The following FLT4 variants were observed in gnomAD, a reference collection of about 807,000 sequenced individuals.
FLT4 encodes the protein fms related receptor tyrosine kinase 4.
Under a neutral mutation model 163.2 loss-of-function variants are expected in FLT4, and 30 were observed. That is an observed-to-expected ratio of 0.18 (90% CI 0.14 to 0.25). The LOEUF is 0.25. FLT4 is among the 10% of genes least tolerant of loss of function. The pLI, the probability that FLT4 is intolerant of heterozygous loss-of-function variation, is 1.00. For missense variants in FLT4, 1,510 were observed against 1,863.8 expected (o/e 0.81, Z 3.50); for synonymous variants, 884 against 789.5 (o/e 1.12, Z -2.01).
chr5:180,639,764 T>C (rs1252721648), intron 1 of FLT4, among the ~76,000 whole-genome samples: 1 of 152,158 alleles, frequency 6.6e-6, no homozygotes, highest in Admixed American at 6.5e-5. Flanking sequence ...AGCCCCCACC[T>C]GCAGCCCTGA....
At chr5:180,609,253 A>G (rs561733900) in intron 28 of FLT4, 200 bp from the exon 29 acceptor site, 13 of 626,722 alleles carry the variant, frequency 2.1e-5, no homozygotes, top group South Asian at 1.3e-4. Context: ...GGAGACACTG[A>G]GGTCAGGGGG....
rs369867955 is a variant in FLT4, at chr5:180,619,217, G to A, written c.2761+36C>T. On this transcript the variant is annotated intron_variant, in intron 19 of 29. Coordinates refer to ENST00000261937, the MANE Select transcript of FLT4 (RefSeq NM_182925.5). Reference sequence around the variant, plus strand: ...TCCCGCCCGCGGCGCCCCGCGCCCGGGGTCTCGCCGTCCCAGCGGGCCGCC... The same window carrying A: ...TCCCGCCCGCGGCGCCCCGCGCCCGAGGTCTCGCCGTCCCAGCGGGCCGCC... 4.8e-4 allele frequency: 724 copies of A among 1,512,724 alleles called. 2 individuals are homozygous for A. The highest frequency in any genetic ancestry group is 3.1e-4 in the Non-Finnish European group (354 of 1,124,836). 93.7% of individuals were successfully genotyped at this position (1,512,724 alleles called of 1,614,324 possible). A position where few individuals can be genotyped will look rare whatever the true frequency, so the allele number is the denominator to read the frequency against.
intron 1 of FLT4, 39 bp downstream of exon 1, chr5:180,649,449 G>T: frequency 7.0e-7 from 1 of 1,425,936 alleles, no homozygotes; most frequent in Non-Finnish European, 9.2e-7. Flanking sequence ...TCCCCGGCCA[G>T]CCCCACGCTC....
At position 180,630,628 on chromosome 5, in the gene FLT4, G is replaced by A. The variant is rs778192320; in HGVS notation, c.327C>T (p.Tyr109=). 88 of 1,612,990 alleles carry A rather than the reference G, an allele frequency of 5.5e-5. No homozygotes were observed. Among genetic ancestry groups the A allele is most frequent in the Non-Finnish European group, 7.0e-5 (83 of 1,179,996 alleles). Reference sequence around the variant, plus strand: ...CCTTGATGTACTTGTAGTAGCAGACGTAGCTGCCTGTGTCGTTGGCATGTA... The same window carrying A: ...CCTTGATGTACTTGTAGTAGCAGACATAGCTGCCTGTGTCGTTGGCATGTA... ...HEVHANDTGS[Y]VCYYKYIKAR... is the part of the protein sequence containing the mutation. Residue 109 remains tyrosine, a synonymous_variant, in exon 3 of 30, where the codon TAC becomes TAT. Transcript: ENST00000261937. The surrounding 1 kb of genome is among the most constrained non-coding windows in gnomAD (Gnocchi z 6.3).
chr5:180,624,572 C>T (rs1763456141), intron 10 of FLT4, among the ~76,000 whole-genome samples: 1 of 152,178 alleles, frequency 6.6e-6, no homozygotes, highest in Non-Finnish European at 1.5e-5. Context: ...CAGGACCCGG[C>T]AACCCATCCT....
chr5:180,619,422 G>GCCACTGGCCGCTTAGCTAAGGCACA (rs1762943591), intron 18 of FLT4, 56 bp from the exon 19 acceptor site: 1 of 1,064,000 alleles, frequency 9.4e-7, no homozygotes, highest in Non-Finnish European at 1.3e-6. Flanking sequence ...CCCGTTCCCC[G>GCCACTGGCCGCTTAGCTAAGGCACA]CCACCCGGCG....
chr5:180,624,232 T>C (rs1219126416), intron 10 of FLT4, among the ~76,000 whole-genome samples, 171 bp from the exon 11 acceptor site: 1 of 150,706 alleles, frequency 6.6e-6, no homozygotes, highest in Non-Finnish European at 1.5e-5. Flanking sequence ...TTGGTGTTTT[T>C]TTTTTTTTTT....
At chr5:180,634,653 C>T (rs1399107156) in intron 1 of FLT4, among the ~76,000 whole-genome samples, 5 of 132,620 alleles carry the variant, frequency 3.8e-5, no homozygotes, top group South Asian at 2.5e-4. Flanking sequence ...GGAGATCGCA[C>T]CACTGCACTC....
Position 180,614,275 on chromosome 5 carries a change from G to GGATGGGGAGA in FLT4, c.3220-97_3220-96insTCTCCCCATC, listed in dbSNP as rs1762453550. On this transcript the variant is annotated intron_variant, in intron 23 of 29. Coordinates refer to ENST00000261937, the MANE Select transcript of FLT4 (RefSeq NM_182925.5). ...GGGGAGACGGAGGGAAGCGTGTCCT[G>GGATGGGGAGA]CGGTGGATGGGGAGACGGAGGGAAG... 29 of 676,748 alleles carry GGATGGGGAGA rather than the reference G, an allele frequency of 4.3e-5. No individual in the cohort carries two copies. In the East Asian group the frequency reaches 8.6e-4, roughly 20 times the overall value. The allele number at this position is 676,748 out of a possible 1,614,324, so 41.9% of individuals were successfully genotyped here.
At chr5:180,611,224 C>T (rs1442987833) in intron 27 of FLT4, 107 bp downstream of exon 27, 11 of 1,358,140 alleles carry the variant, frequency 8.1e-6, no homozygotes, top group African/African-American at 4.3e-5. Context: ...GCACACTGGC[C>T]TCTGACGTCG....
In FLT4 at chr5:180,649,565, G is replaced by A; in HGVS notation, c.-20C>T. The A allele has an allele frequency of 7.2e-7, 1 of 1,387,312 alleles. No individual in the cohort carries two copies. Among genetic ancestry groups the A allele is most frequent in the Middle Eastern group, 2.7e-4 (1 of 3,764 alleles). 85.9% of individuals were successfully genotyped at this position (1,387,312 alleles called of 1,614,324 possible). On this transcript the variant is annotated 5_prime_UTR_variant, in exon 1 of 30. Transcript: ENST00000261937. ...CTGCATCTCCGGCCGCTGCGCGTGG[G>A]TCCGACCCGAGCGGCCGCGGCTCGG...
intron 1 of FLT4, among the ~76,000 whole-genome samples, 158 bp from the exon 2 acceptor site, chr5:180,631,936 C>T (rs552922377): frequency 7.9e-5 from 12 of 152,202 alleles, no homozygotes; most frequent in South Asian, 6.2e-4. Context: ...TCACCATGTG[C>T]GCCGTGAGCA....
At chr5:180,627,131 C>T (rs1464743505) in intron 8 of FLT4, among the ~76,000 whole-genome samples, 1 of 152,216 alleles carries the variant, frequency 6.6e-6, no homozygotes, top group Admixed American at 6.5e-5. Context: ...GTCTCTGTGG[C>T]CTGGACTCTG....
chr5:180,629,601 G>T, intron 6 of FLT4, 95 bp downstream of exon 6: 1 of 1,506,198 alleles, frequency 6.6e-7, no homozygotes, highest in South Asian at 1.2e-5. Flanking sequence ...GGGCAGGCCT[G>T]GGCCCACACA....
At chr5:180,625,262 C>T (rs1763511460) in intron 10 of FLT4, among the ~76,000 whole-genome samples, 3 of 152,246 alleles carry the variant, frequency 2.0e-5, no homozygotes, top group Admixed American at 2.0e-4. Context: ...CCTCTCACCC[C>T]CTGCTTGTCT....
rs778170197 is a variant in FLT4, at chr5:180,620,683, T to C, written c.2332A>G (p.Ile778Val). The change falls in exon 16 of 30, where the codon ATC (isoleucine) becomes GTC (valine). Residue 778 changes from isoleucine to valine, a missense_variant. By Grantham distance (29) the Ile-to-Val change is conservative. This residue lies in a region of FLT4 where 878 missense variants were observed against 1,016.7 expected (regional missense o/e 0.86). Coordinates refer to ENST00000261937, the MANE Select transcript of FLT4 (RefSeq NM_182925.5). The surrounding 1 kb of genome is among the most constrained non-coding windows in gnomAD (Gnocchi z 4.4). ...SEDKGSMEIVILVGTGVIAVF... is the reference protein window; with the variant it reads ...SEDKGSMEIVVLVGTGVIAVF... ...GCGATGACGCCGGTACCGACAAGGA[T>C]CACGATCTCCATGCTGCCCTTATCC... The C allele has an allele frequency of 1.2e-6, 2 of 1,613,404 alleles. No individual in the cohort carries two copies. The highest frequency in any genetic ancestry group is 2.7e-5 in the African/African-American group (2 of 74,958).
rs779972498 is a variant in FLT4, at chr5:180,622,846, G to A, written c.1549-7C>T. The A allele has an allele frequency of 6.3e-7, 1 of 1,594,868 alleles. No individual in the cohort carries two copies. Among genetic ancestry groups the A allele is most frequent in the Non-Finnish European group, 8.6e-7 (1 of 1,163,182 alleles). ...TCACCAGCTTGCTCACAGTCTGGGA[G>A]AGCACAGGCACAAGGATCCATTTCC... On this transcript the variant is annotated splice_polypyrimidine_tract_variant and splice_region_variant and intron_variant, in intron 11 of 29. Coordinates refer to ENST00000261937, the MANE Select transcript of FLT4 (RefSeq NM_182925.5).
rs967555954 is a variant in FLT4, at chr5:180,612,932, G to A, written c.3431+79C>T. 87 of 1,120,478 alleles carry A rather than the reference G, an allele frequency of 7.8e-5. No homozygotes were observed. In the African/African-American group the frequency reaches 1.2e-3, roughly 15 times the overall value. The allele number at this position is 1,120,478 out of a possible 1,614,324, so 69.4% of individuals were successfully genotyped here. On this transcript the variant is annotated intron_variant, in intron 25 of 29. Coordinates refer to ENST00000261937, the MANE Select transcript of FLT4 (RefSeq NM_182925.5). ...TCCTACTGGCCCTGGCTTCCCTGAT[G>A]CCACCTTCTCATGGACACAACCCCC...
In FLT4 at chr5:180,603,291, C is replaced by T. The variant is rs200963530; in HGVS notation, c.3993G>A (p.Val1331=). Residue 1331 remains valine (V), a synonymous_variant, in exon 30 of 30, where the codon GTG becomes GTA. Coordinates refer to ENST00000261937, the MANE Select transcript of FLT4 (RefSeq NM_182925.5). ...RPERGARGGQ[V]FYNSEYGELS... Reference sequence around the variant, plus strand: ...GCTCCCCATACTCGCTGTTGTAAAACACCTGGCCTCCTCGGGCCCCCCGCT... The same window carrying T: ...GCTCCCCATACTCGCTGTTGTAAAATACCTGGCCTCCTCGGGCCCCCCGCT... The T allele has an allele frequency of 2.7e-4, 429 of 1,613,906 alleles. No individual in the cohort carries two copies. The highest frequency in any genetic ancestry group is 2.3e-4 in the Non-Finnish European group (270 of 1,179,996).
Sources: allele counts gnomAD v4.1 joint callset (sites outside exome capture counted in the v4.1 genomes callset), GRCh38; gene constraint gnomAD v4.1.1; regional missense constraint gnomAD v4.1.1; non-coding constraint Gnocchi (gnomAD v3.1); transcripts MANE v1.5; gene names NCBI Gene and HGNC (gene_info 2026-07-23, HGNC 2026-07-21).